Variants in XXYLT1 observed in about 807,000 individuals in gnomAD.
The protein encoded by XXYLT1 is xyloside xylosyltransferase 1.
A neutral mutation model predicts 28.9 loss-of-function variants in XXYLT1; 20 were observed. That is an observed-to-expected ratio of 0.69 (90% CI 0.49 to 1.00). The LOEUF (loss-of-function observed/expected upper bound fraction) is 1.00, where lower values mean the gene tolerates loss of function less well. XXYLT1 is among the 50% of genes least tolerant of loss of function. The pLI, the probability that XXYLT1 is intolerant of heterozygous loss-of-function variation, is 0.00. For synonymous variants in XXYLT1, 257 were observed against 253.8 expected (o/e 1.01, Z -0.12); for missense variants, 542 against 560.1 (o/e 0.97, Z 0.33).
intron 2 of XXYLT1, among the ~76,000 whole-genome samples, chr3:195,172,623 G>T (rs1264156971): frequency 6.6e-6 from 1 of 152,224 alleles, no homozygotes; most frequent in Admixed American, 6.5e-5. Context: ...ACAGGCAGGG[G>T]TCCCACTCCT....
intron 2 of XXYLT1, among the ~76,000 whole-genome samples, chr3:195,212,482 G>A (rs909749227): frequency 6.6e-6 from 1 of 152,186 alleles, no homozygotes; most frequent in Non-Finnish European, 1.5e-5. Flanking sequence ...TCTGGGGCAG[G>A]GTCCCCAAGC....
chr3:195,226,742 G>C lies in XXYLT1; in HGVS notation c.619C>G (p.Leu207Val), dbSNP rs1383156884. ...GTYYSDSIFF[L>V]SVAMHQIMPK... ...ATGATCTGATGCATGGCGACCGAGA[G>C]GAAGAAGATGGAGTCACTGTAGTAG... Residue 207 changes from leucine (L) to valine (V), a missense_variant, in exon 2 of 4, where the codon CTC becomes GTC. Coordinates refer to ENST00000310380, the MANE Select transcript of XXYLT1 (RefSeq NM_152531.5). The C allele has an allele frequency of 7.4e-6, 12 of 1,613,878 alleles. No individual in the cohort carries two copies. Among genetic ancestry groups the C allele is most frequent in the Non-Finnish European group, 1.0e-5 (12 of 1,179,974 alleles).
At chr3:195,148,628 A>G (rs1204971050) in intron 3 of XXYLT1, among the ~76,000 whole-genome samples, 1 of 152,186 alleles carries the variant, frequency 6.6e-6, no homozygotes, top group Non-Finnish European at 1.5e-5. Flanking sequence ...CTGAATTTAT[A>G]TCAGCCATAA....
In XXYLT1 at chr3:195,252,887, G is replaced by A. The variant is rs112850291; in HGVS notation, c.504+17668C>T. 8.0e-3 allele frequency among the ~76,000 whole-genome samples: 1,223 copies of A among 152,248 alleles called. 19 individuals are homozygous for A. Among genetic ancestry groups the A allele is most frequent in the African/African-American group, 0.027 (1,106 of 41,530 alleles). ...GGAGACAGGGCAGGGGCGGCGAGGC[G>A]GGGAGGCGTTTATGGCATACGCCAC... On this transcript the variant is annotated intron_variant, in intron 1 of 3. Coordinates refer to ENST00000310380, the MANE Select transcript of XXYLT1 (RefSeq NM_152531.5).
chr3:195,248,553 C>A (rs1402270706), intron 1 of XXYLT1, among the ~76,000 whole-genome samples: 7 of 152,224 alleles, frequency 4.6e-5, no homozygotes, highest in Non-Finnish European at 1.0e-4. Context: ...AGACATGACT[C>A]ACTCCTCCTT....
At chr3:195,094,528 C>A (rs376712669) in intron 3 of XXYLT1, 2 of 153,948 alleles carry the variant, frequency 1.3e-5, no homozygotes, top group Non-Finnish European at 2.9e-5. Flanking sequence ...AAGCTGGACA[C>A]CCGCGGAGAC....
chr3:195,158,296 T>C (rs1392505011), intron 2 of XXYLT1, among the ~76,000 whole-genome samples: 2 of 152,192 alleles, frequency 1.3e-5, no homozygotes, highest in African/African-American at 4.8e-5. Flanking sequence ...CCTGTGGTCA[T>C]GGCCACCCGC....
At chr3:195,140,384 G>T (rs1003904865) in intron 3 of XXYLT1, among the ~76,000 whole-genome samples, 1 of 152,158 alleles carries the variant, frequency 6.6e-6, no homozygotes, top group Non-Finnish European at 1.5e-5. Context: ...GAGGATGTGG[G>T]AGGCACCCTT....
intron 2 of XXYLT1, chr3:195,175,907 T>C: frequency 2.9e-6 from 4 of 1,400,874 alleles, no homozygotes; most frequent in Middle Eastern, 2.7e-4. Flanking sequence ...AAAAAAAAAA[T>C]TATGTATGAA....
chr3:195,204,288 A>T (rs1362773872), intron 2 of XXYLT1, among the ~76,000 whole-genome samples: 1 of 151,624 alleles, frequency 6.6e-6, no homozygotes, highest in Non-Finnish European at 1.5e-5. Context: ...GGTTGCAGTG[A>T]GCTGAGATTG....
chr3:195,266,056 A>T (rs1725839797), intron 1 of XXYLT1, among the ~76,000 whole-genome samples: 1 of 152,204 alleles, frequency 6.6e-6, no homozygotes, highest in African/African-American at 2.4e-5. Flanking sequence ...CAGAAAGACA[A>T]CAGATGCTCA....
intron 2 of XXYLT1, among the ~76,000 whole-genome samples, chr3:195,201,959 A>ACC (rs1300156975): frequency 6.6e-6 from 1 of 152,154 alleles, no homozygotes; most frequent in Non-Finnish European, 1.5e-5. Flanking sequence ...TGGGCGGATC[A>ACC]TGAGGTCAGA....
chr3:195,269,099 G>A lies in XXYLT1; in HGVS notation c.504+1456C>T, dbSNP rs539092541. On this transcript the variant is annotated intron_variant, in intron 1 of 3. Coordinates refer to ENST00000310380, the MANE Select transcript of XXYLT1 (RefSeq NM_152531.5). ...AAGTAGGCTGGAAAGCACTGGCTGT[G>A]CAGCTAGCGCTGCAGCGGGAGCTGG... is the stretch of plus-strand genomic sequence containing the variant. 3.7e-3 allele frequency among the ~76,000 whole-genome samples: 564 copies of A among 152,372 alleles called. 15 individuals are homozygous for A. In the South Asian group the frequency reaches 0.04, roughly 11 times the overall value.
At position 195,124,497 on chromosome 3, in the gene XXYLT1, G is replaced by C. The variant is rs1874104; in HGVS notation, c.785+31952C>G. 6.6e-6 allele frequency among the ~76,000 whole-genome samples: 1 copy of C among 152,022 alleles called. No homozygotes were observed. Among genetic ancestry groups the C allele is most frequent in the Non-Finnish European group, 1.5e-5 (1 of 68,020 alleles). Reference sequence around the variant, plus strand: ...TTGTTTTCCCCTGATAATTTGTCTAGTGTTTCTAGGCCTCCCCCTCTAGAC... The same window carrying C: ...TTGTTTTCCCCTGATAATTTGTCTACTGTTTCTAGGCCTCCCCCTCTAGAC... On this transcript the variant is annotated intron_variant, in intron 3 of 3. Coordinates refer to ENST00000310380, the MANE Select transcript of XXYLT1 (RefSeq NM_152531.5). This position sits in a 1 kb window ranked among gnomAD's most constrained non-coding sequence, Gnocchi z 4.1.
chr3:195,070,081 G>T lies in XXYLT1; in HGVS notation c.816C>A (p.Asn272Lys), dbSNP rs1714714675. 17 of 1,584,114 alleles carry T rather than the reference G, an allele frequency of 1.1e-5. No homozygotes were observed. The highest frequency in any genetic ancestry group is 1.4e-5 in the Non-Finnish European group (16 of 1,172,740). Residue 272 changes from asparagine to lysine, a missense_variant, in exon 4 of 4, where the codon AAC (asparagine) becomes AAA (lysine). Physicochemically the swap from Asn to Lys is moderately conservative, Grantham distance 94. Transcript: ENST00000310380. The stretch of plus-strand genomic sequence containing the variant: ...GCGGGCCCCCAACCCGGGTCTGGGG[G>T]TTCTCATGGCGGAACTGCCAGAATG... ...RHTFWQFRHE[N>K]PQTRVGGPPP...
chr3:195,112,480 A>ACC (rs1717786792), intron 3 of XXYLT1, among the ~76,000 whole-genome samples: 1 of 136,562 alleles, frequency 7.3e-6, no homozygotes, highest in African/African-American at 2.7e-5. Context: ...ACACATGCAC[A>ACC]CACGCATGGA....
chr3:195,236,626 C>G (rs1257998539), intron 1 of XXYLT1, among the ~76,000 whole-genome samples: 1 of 151,650 alleles, frequency 6.6e-6, no homozygotes, highest in Non-Finnish European at 1.5e-5. Flanking sequence ...ACACAGTCCC[C>G]TTTATTCTTC....
At chr3:195,122,298 C>A in intron 3 of XXYLT1, 1 of 643,232 alleles carries the variant, frequency 1.6e-6, no homozygotes, top group Non-Finnish European at 2.8e-6. Context: ...CAGTCCATTG[C>A]ACCCCTCAGT....
intron 3 of XXYLT1, among the ~76,000 whole-genome samples, chr3:195,135,201 C>T (rs1487925520): frequency 2.6e-5 from 4 of 152,148 alleles, no homozygotes; most frequent in Non-Finnish European, 5.9e-5. Context: ...CAGGCGGAAT[C>T]CAACATGAGG....
Sources: gnomAD v4.1 joint callset for allele counts (sites outside exome capture counted in the v4.1 genomes callset) on GRCh38, gnomAD v4.1.1 for gene constraint, Gnocchi (gnomAD v3.1) non-coding constraint, MANE v1.5 for transcripts, NCBI Gene and HGNC (gene_info 2026-07-23, HGNC 2026-07-21) for gene names.